Variants in MINDY2 observed in about 807,000 individuals in gnomAD.
The protein encoded by MINDY2 is MINDY lysine 48 deubiquitinase 2.
A neutral mutation model predicts 68.2 loss-of-function variants in MINDY2; 52 were observed. The ratio of observed to expected loss-of-function variants is 0.76; its 90% CI spans 0.61 to 0.96. The LOEUF (loss-of-function observed/expected upper bound fraction) is 0.96, where lower values mean the gene tolerates loss of function less well. Ranked by LOEUF, MINDY2 falls within the 40% of genes least tolerant of loss-of-function variation. The pLI, the probability that MINDY2 is intolerant of heterozygous loss-of-function variation, is 0.00. For synonymous variants in MINDY2, 372 were observed against 303.0 expected (o/e 1.23, Z -2.36); for missense variants, 881 against 773.4 (o/e 1.14, Z -1.65).
At chr15:58,803,614 C>T (rs141370138) in intron 3 of MINDY2, among the ~76,000 whole-genome samples, 6 of 151,890 alleles carry the variant, frequency 4.0e-5, no homozygotes, top group Admixed American at 6.6e-5. Context: ...GCCAGGAGTT[C>T]GAGACCAGCT....
At chr15:58,779,477 C>T (rs1410335072) in intron 1 of MINDY2, among the ~76,000 whole-genome samples, 1 of 152,154 alleles carries the variant, frequency 6.6e-6, no homozygotes, top group Non-Finnish European at 1.5e-5. Context: ...CTTGCAGAAA[C>T]ATTGTAATCA....
At chr15:58,791,054 C>T (rs1901855043) in intron 2 of MINDY2, among the ~76,000 whole-genome samples, 3 of 150,206 alleles carry the variant, frequency 2.0e-5, no homozygotes, top group Admixed American at 6.7e-5. Flanking sequence ...GTGGCGGGCA[C>T]GTGTAGTCCC....
At chr15:58,773,029 G>A (rs1266616332) in intron 1 of MINDY2, among the ~76,000 whole-genome samples, 2 of 152,168 alleles carry the variant, frequency 1.3e-5, no homozygotes, top group African/African-American at 4.8e-5. Flanking sequence ...GTCAAATGAA[G>A]TGTCTCATTT....
intron 2 of MINDY2, among the ~76,000 whole-genome samples, chr15:58,797,565 G>A (rs1461927612): frequency 6.6e-6 from 1 of 152,100 alleles, no homozygotes; most frequent in Non-Finnish European, 1.5e-5. Flanking sequence ...TATTAATGTG[G>A]CTGCTAGAAA....
At position 58,851,936 on chromosome 15, in the gene MINDY2, G is replaced by C; in HGVS notation, c.1708G>C (p.Ala570Pro). The change falls in exon 8 of 9, where the codon GCT (alanine) becomes CCT (proline). Residue 570 changes from alanine (A) to proline (P), a missense_variant. Transcript: ENST00000559228. The stretch of plus-strand genomic sequence containing the variant: ...TCAGGAACAGGAACAAGCAGCAGCT[G>C]CTGCTGCTGCTGCTTCTACACAGGC... ...YYQEQEQAAA[A>P]AAAASTQAQQ... 1 of 1,586,798 alleles carries C rather than the reference G, an allele frequency of 6.3e-7. No homozygotes were observed. Among genetic ancestry groups the C allele is most frequent in the South Asian group, 1.2e-5 (1 of 86,416 alleles).
chr15:58,812,036 G>A (rs547706591), intron 4 of MINDY2, among the ~76,000 whole-genome samples: 37 of 152,234 alleles, frequency 2.4e-4, no homozygotes, highest in Non-Finnish European at 2.5e-4. Context: ...ACCAGCCAAT[G>A]CCTTTCAAAT....
chr15:58,839,322 T>TTTTGTTTG (rs57863736), intron 6 of MINDY2, among the ~76,000 whole-genome samples: 17,998 of 148,656 alleles, frequency 0.12, 1,128 homozygotes, highest in African/African-American at 0.18. Flanking sequence ...TAGACTGTTT[T>TTTTGTTTG]TTTGTTTGTT....
intron 1 of MINDY2, among the ~76,000 whole-genome samples, chr15:58,775,353 A>C (rs1463210696): frequency 6.6e-6 from 1 of 152,204 alleles, no homozygotes; most frequent in Non-Finnish European, 1.5e-5. Context: ...TTAGTAGAGA[A>C]AAACAGTAAA....
At chr15:58,821,845 CTT>C in intron 5 of MINDY2, 26 bp downstream of exon 5, 2 of 1,466,762 alleles carry the variant, frequency 1.4e-6, no homozygotes, top group South Asian at 1.3e-5. Flanking sequence ...TATTTCCTGA[CTT>C]TTGAAATTCT....
chr15:58,793,145 C>A (rs1253937787), intron 2 of MINDY2, among the ~76,000 whole-genome samples: 2 of 152,092 alleles, frequency 1.3e-5, no homozygotes, highest in African/African-American at 4.8e-5. Flanking sequence ...TAGGGAAGAC[C>A]AAAATGTTCT....
At chr15:58,838,283 A>G (rs781319613) in intron 6 of MINDY2, among the ~76,000 whole-genome samples, 1 of 152,052 alleles carries the variant, frequency 6.6e-6, no homozygotes, top group Non-Finnish European at 1.5e-5. Context: ...CCGTAATGCC[A>G]GCTACTCAGA....
intron 6 of MINDY2, among the ~76,000 whole-genome samples, chr15:58,838,795 G>A (rs1480138308): frequency 6.6e-6 from 1 of 151,642 alleles, no homozygotes; most frequent in Non-Finnish European, 1.5e-5. Flanking sequence ...TGTCCAGACT[G>A]GTCTCAAATC....
At position 58,771,789 on chromosome 15, in the gene MINDY2, C is replaced by T. The variant is rs540190279; in HGVS notation, c.394C>T (p.Arg132Cys). Residue 132 changes from arginine to cysteine, a missense_variant, in exon 1 of 9, where the codon CGC (arginine) becomes TGC (cysteine). Arg to Cys is a radical substitution (Grantham distance 180, BLOSUM62 -3). Coordinates refer to ENST00000559228, the MANE Select transcript of MINDY2 (RefSeq NM_001040450.3). The part of the protein sequence containing the change: ...ELGTAGDAGA[R>C]PDLAGTCQAE... ...GGGTACCGCCGGAGACGCGGGAGCC[C>T]GCCCGGATCTCGCCGGCACCTGCCA... is the stretch of plus-strand genomic sequence containing the variant. The T allele has an allele frequency of 2.5e-6, 4 of 1,610,104 alleles. No homozygotes were observed. The highest frequency in any genetic ancestry group is 2.2e-5 in the East Asian group (1 of 44,808).
At chr15:58,784,778 C>G (rs566913786) in intron 1 of MINDY2, among the ~76,000 whole-genome samples, 7 of 151,986 alleles carry the variant, frequency 4.6e-5, no homozygotes, top group African/African-American at 1.4e-4. Flanking sequence ...TGCCACCACA[C>G]CTGGCTAAGT....
chr15:58,795,399 G>GTTCTT (rs1902214849), intron 2 of MINDY2, among the ~76,000 whole-genome samples: 3 of 151,712 alleles, frequency 2.0e-5, no homozygotes, highest in African/African-American at 4.8e-5. Context: ...TATAGTATGT[G>GTTCTT]TTATTTTGTT....
Position 58,771,541 on chromosome 15 carries a change from G to A in MINDY2, c.146G>A (p.Ser49Asn), listed in dbSNP as rs1300560900. ...CCTGGGGTATGGGCGGCGGAGACCA[G>A]CGGCGGGAATGGGCTGGGGGCGGCG... ...DGPGVWAAET[S>N]GGNGLGAAAA... Residue 49 changes from serine (S) to asparagine (N), a missense_variant, in exon 1 of 9, where the codon AGC (serine) becomes AAC (asparagine). Coordinates refer to ENST00000559228, the MANE Select transcript of MINDY2 (RefSeq NM_001040450.3). 1.2e-6 allele frequency: 2 copies of A among 1,611,654 alleles called. No homozygotes were observed. Among genetic ancestry groups the A allele is most frequent in the Non-Finnish European group, 8.5e-7 (1 of 1,179,582 alleles).
chr15:58,841,409 T>TC (rs1295904292), intron 6 of MINDY2, among the ~76,000 whole-genome samples: 3 of 146,974 alleles, frequency 2.0e-5, no homozygotes, highest in African/African-American at 7.4e-5. Flanking sequence ...TTTCTTTTCT[T>TC]TTTTTTTTTT....
intron 3 of MINDY2, among the ~76,000 whole-genome samples, chr15:58,806,782 C>T (rs1414628259): frequency 4.6e-5 from 7 of 151,994 alleles, no homozygotes; most frequent in Admixed American, 4.6e-4. Context: ...TCAGATTCAT[C>T]ATTGCTGTAG....
chr15:58,825,742 A>T (rs2031354503), intron 5 of MINDY2, among the ~76,000 whole-genome samples: 1 of 152,098 alleles, frequency 6.6e-6, no homozygotes. Flanking sequence ...GGTAGCTGGG[A>T]CTACAGGCTC....
Sources: gnomAD v4.1 joint callset for allele counts (sites outside exome capture counted in the v4.1 genomes callset) on GRCh38, gnomAD v4.1.1 for gene constraint, MANE v1.5 for transcripts, NCBI Gene and HGNC (gene_info 2026-07-23, HGNC 2026-07-21) for gene names.